FLII: variants seen among roughly 807,000 people sequenced by gnomAD.
The protein encoded by FLII is FLII actin remodeling protein, also known as protein flightless-1 homolog.
A neutral mutation model predicts 156.2 loss-of-function variants in FLII; 101 were observed. That is an observed-to-expected ratio of 0.65 (90% CI 0.55 to 0.76). The LOEUF is 0.76. FLII is among the 30% of genes least tolerant of loss of function. The pLI is 0.00. For synonymous variants in FLII, 767 were observed against 685.8 expected (o/e 1.12, Z -1.85); for missense variants, 1,675 against 1,682.8 (o/e 1.00, Z 0.08).
At chr17:18,248,504 T>TG in intron 18 of FLII, 46 bp downstream of exon 18, 1 of 1,545,180 alleles carries the variant, frequency 6.5e-7, no homozygotes, top group East Asian at 2.3e-5. Context: ...CCCCAGTCGG[T>TG]GGGTGAACTT....
At position 18,251,484 on chromosome 17, in the gene FLII, G is replaced by A. The variant is rs758901247; in HGVS notation, c.1384-7C>T. 4 of 1,598,258 alleles carry A rather than the reference G, an allele frequency of 2.5e-6. No individual in the cohort carries two copies. Among genetic ancestry groups the A allele is most frequent in the Non-Finnish European group, 2.6e-6 (3 of 1,171,650 alleles). The stretch of plus-strand genomic sequence containing the variant: ...CCCGGGCATCTGCGCTCTCCTGGGG[G>A]CAGAGTCACAGAGCACGGCTTGACT... On this transcript the variant is annotated splice_polypyrimidine_tract_variant and splice_region_variant and intron_variant, in intron 12 of 29. Coordinates refer to ENST00000327031, the MANE Select transcript of FLII (RefSeq NM_002018.4).
chr17:18,247,412 G>T, intron 20 of FLII, 55 bp from the exon 21 acceptor site: 1 of 1,505,758 alleles, frequency 6.6e-7, no homozygotes, highest in South Asian at 1.2e-5. Context: ...TAGAGTTGGA[G>T]GAAGTAGCCC....
At chr17:18,247,123 G>GGGGGC in intron 21 of FLII, 46 bp downstream of exon 21, 1 of 1,249,070 alleles carries the variant, frequency 8.0e-7, no homozygotes, top group Non-Finnish European at 1.0e-6. Flanking sequence ...CCCTCGGCCT[G>GGGGGC]CCCCCCACCC....
chr17:18,245,417 G>A lies in FLII; in HGVS notation c.3612C>T (p.Val1204=), dbSNP rs1396149805. 1 of 1,614,130 alleles carries A rather than the reference G, an allele frequency of 6.2e-7. No homozygotes were observed. The highest frequency in any genetic ancestry group is 1.7e-5 in the Admixed American group (1 of 60,028). ...DIMLLDNGQE[V]YMWVGTQTSQ... Reference sequence around the variant, plus strand: ...TAGTCTGGGTCCCCACCCACATGTAGACCTGTGGGGGCAGCAGGGGAGATA... The same window carrying A: ...TAGTCTGGGTCCCCACCCACATGTAAACCTGTGGGGGCAGCAGGGGAGATA... The change falls in exon 29 of 30, where the codon GTC becomes GTT. Residue 1204 remains valine, a splice_region_variant and synonymous_variant. Coordinates refer to ENST00000327031, the MANE Select transcript of FLII (RefSeq NM_002018.4).
rs148943845 is a variant in FLII at position 18,248,572 on chromosome 17, G to C, written c.2168C>G (p.Pro723Arg). ...IKKHVPEDFW[P>R]PQPKLYKVGL... ...CACCTTGTACAGCTTGGGCTGCGGCGGCCAGAAGTCTTCAGGCACGTGCTT... is the reference window on the plus strand; with the variant it reads ...CACCTTGTACAGCTTGGGCTGCGGCCGCCAGAAGTCTTCAGGCACGTGCTT... The change falls in exon 18 of 30, where the codon CCG becomes CGG. Residue 723 changes from proline to arginine, a missense_variant. Coordinates refer to ENST00000327031, the MANE Select transcript of FLII (RefSeq NM_002018.4). 6.2e-7 allele frequency: 1 copy of C among 1,611,426 alleles called. No homozygotes were observed. The highest frequency in any genetic ancestry group is 2.2e-5 in the East Asian group (1 of 44,792).
At chr17:18,257,377 G>GGATCCCCC (rs1405774766) in intron 1 of FLII, 2 of 243,064 alleles carry the variant, frequency 8.2e-6, no homozygotes, top group East Asian at 2.1e-4. Context: ...CTGGGGTGGG[G>GGATCCCCC]GATCCCCCTT....
intron 10 of FLII, 146 bp from the exon 11 acceptor site, chr17:18,252,292 TG>T: frequency 1.1e-6 from 1 of 923,492 alleles, no homozygotes; most frequent in Non-Finnish European, 1.7e-6. Context: ...TGGGGCTGGC[TG>T]GGGGCTTAAA....
chr17:18,249,589 A>T (rs2048196159), intron 14 of FLII, among the ~76,000 whole-genome samples, 181 bp from the exon 15 acceptor site: 1 of 152,192 alleles, frequency 6.6e-6, no homozygotes, highest in Non-Finnish European at 1.5e-5. Flanking sequence ...CAGGAGTTGG[A>T]GACCAGCCTG....
rs559178771 is a variant in FLII, at chr17:18,245,339, C to T, written c.3675+15G>A. On this transcript the variant is annotated intron_variant, in intron 29 of 29. Transcript: ENST00000327031. ...GCCCACAGGCCCACCTCGGCCCTCCCTCCACCCAGATTACCTGGCAGGCCT... is the reference window on the plus strand; with the variant it reads ...GCCCACAGGCCCACCTCGGCCCTCCTTCCACCCAGATTACCTGGCAGGCCT... 6.2e-7 allele frequency: 1 copy of T among 1,614,238 alleles called. No homozygotes were observed. Among genetic ancestry groups the T allele is most frequent in the East Asian group, 2.2e-5 (1 of 44,886 alleles).
chr17:18,246,868 C>G (rs1298772987), intron 22 of FLII, 40 bp from the exon 23 acceptor site: 5 of 1,613,864 alleles, frequency 3.1e-6, no homozygotes, highest in Admixed American at 1.7e-5. Flanking sequence ...CTCGAGCCCC[C>G]AGCACCAGGG....
Position 18,247,863 on chromosome 17 carries a change from T to C in FLII, c.2296-15A>G, listed in dbSNP as rs1030247930. ...AGACTCTGCAGCTGCGGACCGGGAG[T>C]CTGGAGGTCAAAGCCCAGCCAACGG... On this transcript the variant is annotated splice_polypyrimidine_tract_variant and intron_variant, in intron 19 of 29. Transcript: ENST00000327031. The C allele has an allele frequency of 6.2e-7, 1 of 1,613,648 alleles. No individual in the cohort carries two copies. The highest frequency in any genetic ancestry group is 8.5e-7 in the Non-Finnish European group (1 of 1,179,962).
Position 18,248,889 on chromosome 17 carries a change from C to T in FLII, c.1935-6G>A. On this transcript the variant is annotated splice_region_variant and splice_polypyrimidine_tract_variant and intron_variant, in intron 16 of 29. Transcript: ENST00000327031. ...GGTCCAGCAGGAAAACAAACCTGGA[C>T]AAGAAGGGGCAGGAAGGAGCTGTGA... 6.2e-7 allele frequency: 1 copy of T among 1,612,592 alleles called. No individual in the cohort carries two copies. Among genetic ancestry groups the T allele is most frequent in the East Asian group, 2.2e-5 (1 of 44,870 alleles).
At chr17:18,254,410 G>T in intron 6 of FLII, 111 bp downstream of exon 6, 1 of 1,129,608 alleles carries the variant, frequency 8.9e-7, no homozygotes, top group Non-Finnish European at 1.2e-6. Context: ...CTGCCTGCAC[G>T]GAGGGATGGC....
chr17:18,254,888 G>T, intron 4 of FLII, 34 bp from the exon 5 acceptor site: 2 of 1,605,322 alleles, frequency 1.2e-6, no homozygotes, highest in Non-Finnish European at 1.7e-6. Flanking sequence ...GGTCAGGGGA[G>T]TCTCCTCCCC....
chr17:18,249,791 AAAACAAAC>A lies in FLII; in HGVS notation c.1777-391_1777-384del, dbSNP rs200176371. ...GGCAACAACAGCAAAACTCTGTCTT[AAAACAAAC>A]AAACAAACAAACAAACAACAACAAA... On this transcript the variant is annotated intron_variant, in intron 14 of 29. Coordinates refer to ENST00000327031, the MANE Select transcript of FLII (RefSeq NM_002018.4). 4.7e-5 allele frequency among the ~76,000 whole-genome samples: 7 copies of A among 149,396 alleles called. 1 individual carries two copies. In the South Asian group the frequency reaches 6.3e-4, roughly 13 times the overall value.
Position 18,254,666 on chromosome 17 carries a change from TG to T in FLII, c.429del (p.Asn144ThrfsTer54). On this transcript the variant is annotated frameshift_variant, in exon 6 of 30. Transcript: ENST00000327031. LOFTEE classifies it high-confidence loss of function. ...NLSHNSIDTIPNQLFINLTDL... is the reference protein window; with the variant it reads ...NLSHNSIDTIXNQLFINLTDL... Reference sequence around the variant, plus strand: ...TCAGTGAGGTTGATGAAGAGCTGGTTGGGGATGGTGTCGATGCTACGGGTGG... The same window carrying T: ...TCAGTGAGGTTGATGAAGAGCTGGTTGGGATGGTGTCGATGCTACGGGTGG... 1 of 1,613,826 alleles carries T rather than the reference TG, an allele frequency of 6.2e-7. No individual in the cohort carries two copies. Among genetic ancestry groups the T allele is most frequent in the Non-Finnish European group, 8.5e-7 (1 of 1,179,882 alleles).
intron 3 of FLII, among the ~76,000 whole-genome samples, chr17:18,255,828 G>A (rs1031277836): frequency 6.6e-6 from 1 of 152,216 alleles, no homozygotes; most frequent in Non-Finnish European, 1.5e-5. Context: ...GCTGCTTCAC[G>A]GGGTCACTGC....
intron 6 of FLII, 30 bp downstream of exon 6, chr17:18,254,490 CT>C: frequency 6.3e-7 from 1 of 1,579,624 alleles, no homozygotes; most frequent in Non-Finnish European, 8.6e-7. Context: ...AGGGTGGCTT[CT>C]GCAGGAGTGC....
Position 18,258,438 on chromosome 17 carries a change from TC to T in FLII, c.63+189del. ...GTCCCCGGCCTGCCCAGCCTCGGTC[TC>T]CCCGTACAGGCACTGGGCGGAGGCC... On this transcript the variant is annotated intron_variant, in intron 1 of 29. Coordinates refer to ENST00000327031, the MANE Select transcript of FLII (RefSeq NM_002018.4). This position sits in a 1 kb window ranked among gnomAD's most constrained non-coding sequence, Gnocchi z 4.2. 6.7e-7 allele frequency: 1 copy of T among 1,486,370 alleles called. No homozygotes were observed. Among genetic ancestry groups the T allele is most frequent in the Admixed American group, 2.1e-5 (1 of 47,654 alleles). The allele number at this position is 1,486,370 out of a possible 1,614,324, so 92.1% of individuals were successfully genotyped here.
Sources: allele counts gnomAD v4.1 joint callset (sites outside exome capture counted in the v4.1 genomes callset), GRCh38; gene constraint gnomAD v4.1.1; non-coding constraint Gnocchi (gnomAD v3.1); transcripts MANE v1.5; gene names NCBI Gene and HGNC (gene_info 2026-07-23, HGNC 2026-07-21).